DSCAML1: variants seen among roughly 807,000 people sequenced by gnomAD.
DSCAML1 encodes cell adhesion molecule DSCAML1.
DSCAML1 carries 38 observed loss-of-function variants against 200.5 expected under a neutral mutation model. The observed-to-expected ratio is 0.19, with a 90% CI of 0.15 to 0.25. The LOEUF (loss-of-function observed/expected upper bound fraction) is 0.25, where lower values mean the gene tolerates loss of function less well. Among genes scored for constraint, DSCAML1 ranks in the 10% least tolerant of loss-of-function variants. DSCAML1 has a pLI of 1.00. For missense variants in DSCAML1, 2,223 were observed against 2,858.8 expected (o/e 0.78, Z 5.07); for synonymous variants, 1,215 against 1,165.0 (o/e 1.04, Z -0.87).
At chr11:117,739,704 C>T (rs2054387827) in intron 3 of DSCAML1, among the ~76,000 whole-genome samples, 1 of 152,220 alleles carries the variant, frequency 6.6e-6, no homozygotes, top group African/African-American at 2.4e-5. Flanking sequence ...TGAAGATGGG[C>T]TGCATGGCCA....
intron 3 of DSCAML1, among the ~76,000 whole-genome samples, chr11:117,573,882 GC>G (rs1223395526): frequency 6.6e-6 from 1 of 152,170 alleles, no homozygotes; most frequent in African/African-American, 2.4e-5. Flanking sequence ...GAAGGAGAAT[GC>G]CCAGCATCTG....
At chr11:117,537,336 A>C (rs1039786614) in intron 3 of DSCAML1, among the ~76,000 whole-genome samples, 1 of 152,212 alleles carries the variant, frequency 6.6e-6, no homozygotes, top group African/African-American at 2.4e-5. Context: ...CACAGTTAGG[A>C]GACAATATCC....
At position 117,684,255 on chromosome 11, in the gene DSCAML1, T is replaced by C. The variant is rs368344277; in HGVS notation, c.511+92536A>G. Among the ~76,000 whole-genome samples the C allele has an allele frequency of 1.8e-3, 273 of 151,904 alleles. 1 individual carries two copies. The highest frequency in any genetic ancestry group is 6.3e-3 in the African/African-American group (263 of 41,482). ...CAAAAGAGGGACAGATCACACGTGA[T>C]GTTTTGTATGGATCTTTCCCTTCTC... On this transcript the variant is annotated intron_variant, in intron 3 of 32. Coordinates refer to ENST00000651296, the MANE Select transcript of DSCAML1 (RefSeq NM_020693.4).
chr11:117,811,208 A>G (rs1368105793), intron 1 of DSCAML1, among the ~76,000 whole-genome samples: 1 of 152,168 alleles, frequency 6.6e-6, no homozygotes, highest in Admixed American at 6.5e-5. Flanking sequence ...TTCATCAAAT[A>G]TAAAACCCCA....
chr11:117,476,539 C>T (rs1254422755), intron 14 of DSCAML1, among the ~76,000 whole-genome samples: 3 of 152,218 alleles, frequency 2.0e-5, no homozygotes, highest in Non-Finnish European at 4.4e-5. Context: ...TGGTGGCCGG[C>T]ACAGCCCCTA....
chr11:117,507,437 G>T (rs963323610), intron 8 of DSCAML1, among the ~76,000 whole-genome samples: 11 of 152,316 alleles, frequency 7.2e-5, no homozygotes, highest in Middle Eastern at 3.4e-3. Flanking sequence ...GGGCTCAAAA[G>T]GGAGCTGCCT....
At chr11:117,746,604 A>T (rs1341048480) in intron 3 of DSCAML1, among the ~76,000 whole-genome samples, 2 of 152,152 alleles carry the variant, frequency 1.3e-5, no homozygotes, top group African/African-American at 4.8e-5. Flanking sequence ...CACACCTGCC[A>T]ACGTGGCCTC....
intron 8 of DSCAML1, among the ~76,000 whole-genome samples, chr11:117,513,669 A>G (rs1227772752): frequency 1.4e-5 from 2 of 145,662 alleles, no homozygotes; most frequent in African/African-American, 5.1e-5. Context: ...TGAAACCAGG[A>G]GGAGGAGGTT....
intron 3 of DSCAML1, among the ~76,000 whole-genome samples, chr11:117,536,081 T>C (rs1250190301): frequency 1.3e-5 from 2 of 149,874 alleles, no homozygotes; most frequent in Non-Finnish European, 3.0e-5. Context: ...TTGCTCCTCC[T>C]GAAACAAAGG....
intron 1 of DSCAML1, among the ~76,000 whole-genome samples, chr11:117,796,694 A>G (rs1591520425): frequency 6.6e-6 from 1 of 152,176 alleles, no homozygotes; most frequent in South Asian, 2.1e-4. Flanking sequence ...CCGGGGTCCC[A>G]GTGCCACCAA....
chr11:117,437,501 G>C lies in DSCAML1; in HGVS notation c.4433-92C>G. ...GGCTGGAAAGGATTTCCCTGGGGCA[G>C]CTGGGATGGCAGTGGCTCCAGGAGA... On this transcript the variant is annotated intron_variant, in intron 25 of 32. Coordinates refer to ENST00000651296, the MANE Select transcript of DSCAML1 (RefSeq NM_020693.4). The surrounding 1 kb of genome is among the most constrained non-coding windows in gnomAD (Gnocchi z 5.3). 2 of 1,436,100 alleles carry C rather than the reference G, an allele frequency of 1.4e-6. No individual in the cohort carries two copies. Among genetic ancestry groups the C allele is most frequent in the Non-Finnish European group, 1.9e-6 (2 of 1,051,950 alleles). The allele number at this position is 1,436,100 out of a possible 1,614,324, so 89.0% of individuals were successfully genotyped here.
At chr11:117,680,195 A>AT (rs1173724876) in intron 3 of DSCAML1, among the ~76,000 whole-genome samples, 14 of 152,094 alleles carry the variant, frequency 9.2e-5, no homozygotes, top group Non-Finnish European at 1.8e-4. Flanking sequence ...AATGTGGCAG[A>AT]TTTTTTTCCA....
chr11:117,670,106 T>TTAAG (rs2137667663), intron 3 of DSCAML1, among the ~76,000 whole-genome samples: 1 of 152,334 alleles, frequency 6.6e-6, no homozygotes, highest in East Asian at 1.9e-4. Context: ...CCTCCTAATT[T>TTAAG]TAAGTACACT....
intron 3 of DSCAML1, among the ~76,000 whole-genome samples, chr11:117,582,343 A>G (rs1229819542): frequency 1.3e-5 from 2 of 152,158 alleles, no homozygotes; most frequent in Non-Finnish European, 2.9e-5. Flanking sequence ...CTTGGATACC[A>G]ACTCAGCAAC....
chr11:117,500,331 GTGTC>G (rs1266216738), intron 11 of DSCAML1, among the ~76,000 whole-genome samples: 4 of 152,148 alleles, frequency 2.6e-5, no homozygotes, highest in South Asian at 2.1e-4. Flanking sequence ...GTTGTTTTGG[GTGTC>G]TGTCTATTTC....
chr11:117,800,285 C>T (rs575472542), upstream of DSCAML1, among the ~76,000 whole-genome samples: 10 of 152,312 alleles, frequency 6.6e-5, no homozygotes, highest in African/African-American at 2.2e-4. Context: ...AGTCAGGCGG[C>T]GTGTTCTACC....
chr11:117,482,223 G>A (rs1344598839), intron 11 of DSCAML1, 61 bp from the exon 12 acceptor site: 8 of 1,582,418 alleles, frequency 5.1e-6, no homozygotes, highest in South Asian at 4.5e-5. Context: ...GAGGAGGCAC[G>A]CGTGCCCTGC....
rs754926157 is a variant in DSCAML1, at chr11:117,603,103, A to AAAC, written c.512-70584_512-70582dup. On this transcript the variant is annotated intron_variant, in intron 3 of 32. Transcript: ENST00000651296. ...AAGTGAGACCCTGTCCCAACAAAAC[A>AAAC]AACAACAACAACAACAAAAAAACCC... Among the ~76,000 whole-genome samples, 24 of 152,140 alleles carry AAAC rather than the reference A, an allele frequency of 1.6e-4. 1 individual carries two copies. Among genetic ancestry groups the AAAC allele is most frequent in the South Asian group, 6.2e-4 (3 of 4,812 alleles).
At chr11:117,431,126 T>C in intron 31 of DSCAML1, 93 bp from the exon 32 acceptor site, 1 of 1,290,722 alleles carries the variant, frequency 7.7e-7, no homozygotes, top group Non-Finnish European at 1.1e-6. Context: ...CCAGCAGCCA[T>C]CTGTAAGTCT....
Sources: gnomAD v4.1 joint callset for allele counts (sites outside exome capture counted in the v4.1 genomes callset) on GRCh38, gnomAD v4.1.1 for gene constraint, Gnocchi (gnomAD v3.1) non-coding constraint, MANE v1.5 for transcripts, NCBI Gene and HGNC (gene_info 2026-07-23, HGNC 2026-07-21) for gene names.